Variants in CNNM2 observed in about 807,000 individuals in gnomAD.
CNNM2 encodes the protein metal transporter CNNM2.
A neutral mutation model predicts 66.9 loss-of-function variants in CNNM2; 12 were observed. The ratio of observed to expected loss-of-function variants is 0.18; its 90% CI spans 0.11 to 0.29. CNNM2 has a LOEUF of 0.29. Ranked by LOEUF, CNNM2 falls within the 10% of genes least tolerant of loss-of-function variation. The pLI is 1.00. For missense variants in CNNM2, 705 were observed against 1,167.7 expected, an observed-to-expected ratio of 0.60 and a Z score of 5.77; for synonymous variants, 557 against 501.8, an observed-to-expected ratio of 1.11 and a Z score of -1.47.
intron 4 of CNNM2, among the ~76,000 whole-genome samples, chr10:103,060,352 A>G (rs2065363308): frequency 6.6e-6 from 1 of 152,186 alleles, no homozygotes; most frequent in Non-Finnish European, 1.5e-5. Flanking sequence ...ACTTGAGTCC[A>G]GGAGTTCAAG....
intron 1 of CNNM2, among the ~76,000 whole-genome samples, chr10:102,934,103 C>T (rs1590270750): frequency 6.6e-6 from 1 of 151,452 alleles, no homozygotes; most frequent in East Asian, 1.9e-4. Flanking sequence ...CTCAGCCTCC[C>T]AAAACACTGG....
At chr10:102,946,633 GT>G (rs1846627439) in intron 1 of CNNM2, among the ~76,000 whole-genome samples, 1 of 152,046 alleles carries the variant, frequency 6.6e-6, no homozygotes, top group African/African-American at 2.4e-5. Flanking sequence ...TCACTCCTAG[GT>G]TAAACAGGGT....
chr10:102,993,021 G>A (rs1013846258), intron 1 of CNNM2, among the ~76,000 whole-genome samples: 3 of 152,138 alleles, frequency 2.0e-5, no homozygotes, highest in Non-Finnish European at 4.4e-5. Flanking sequence ...CCAAGAATAT[G>A]TCATACATAT....
intron 1 of CNNM2, among the ~76,000 whole-genome samples, chr10:102,998,580 T>C (rs1436102111): frequency 6.6e-6 from 1 of 152,140 alleles, no homozygotes; most frequent in Admixed American, 6.6e-5. Context: ...ATATAGCCCT[T>C]CGAAGGGATA....
At chr10:103,036,336 C>T (rs78110843) in intron 1 of CNNM2, among the ~76,000 whole-genome samples, 4 of 152,110 alleles carry the variant, frequency 2.6e-5, no homozygotes, top group Admixed American at 6.5e-5. Flanking sequence ...TCTTAAGGCC[C>T]GGCTTTTAAG....
At chr10:102,963,228 A>T (rs1393550908) in intron 1 of CNNM2, among the ~76,000 whole-genome samples, 1 of 152,210 alleles carries the variant, frequency 6.6e-6, no homozygotes, top group African/African-American at 2.4e-5. Flanking sequence ...TAGTTCCAAA[A>T]AGAGAAACCT....
intron 1 of CNNM2, among the ~76,000 whole-genome samples, chr10:102,973,623 C>T (rs2063580994): frequency 1.3e-5 from 2 of 151,772 alleles, no homozygotes; most frequent in South Asian, 4.2e-4. Context: ...TCCCAGAGTA[C>T]TGGGATTACA....
rs1845507943 is a variant in CNNM2 at position 102,918,600 on chromosome 10, C to T, written c.120C>T (p.Ile40=). ...RRSLSARGRG[I]LQAAAGRLLP... is the part of the protein sequence containing the mutation. ...GCCTCAGCGCTCGCGGCCGGGGGATCCTGCAGGCGGCTGCGGGGCGGCTGC... is the reference window on the plus strand; with the variant it reads ...GCCTCAGCGCTCGCGGCCGGGGGATTCTGCAGGCGGCTGCGGGGCGGCTGC... Residue 40 remains isoleucine, a synonymous_variant, in exon 1 of 8, where the codon ATC becomes ATT. Transcript: ENST00000369878. This position sits in a 1 kb window ranked among gnomAD's most constrained non-coding sequence, Gnocchi z 4.1. 1.3e-6 allele frequency: 2 copies of T among 1,559,362 alleles called. No individual in the cohort carries two copies. The highest frequency in any genetic ancestry group is 1.7e-6 in the Non-Finnish European group (2 of 1,155,502).
At chr10:102,949,973 C>CT (rs1846767244) in intron 1 of CNNM2, among the ~76,000 whole-genome samples, 1 of 152,138 alleles carries the variant, frequency 6.6e-6, no homozygotes, top group African/African-American at 2.4e-5. Context: ...TCCTAGCACT[C>CT]TATTAGTTAT....
At chr10:102,956,325 T>A (rs1220491846) in intron 1 of CNNM2, among the ~76,000 whole-genome samples, 1 of 145,900 alleles carries the variant, frequency 6.9e-6, no homozygotes, top group African/African-American at 2.5e-5. Context: ...AAACAACAGA[T>A]GCTGGAGAGG....
rs149932371 is a variant in CNNM2, at chr10:103,060,190, A to T, written c.2073+3226A>T. ...GATCATTTATCATGTTACAGTGTACATGCTAGTAAATACAAAAAGATAGAA... is the reference window on the plus strand; with the variant it reads ...GATCATTTATCATGTTACAGTGTACTTGCTAGTAAATACAAAAAGATAGAA... On this transcript the variant is annotated intron_variant, in intron 4 of 7. Coordinates refer to ENST00000369878, the MANE Select transcript of CNNM2 (RefSeq NM_017649.5). Among the ~76,000 whole-genome samples, 809 of 152,334 alleles carry T rather than the reference A, an allele frequency of 5.3e-3. 29 individuals carry two copies. The highest frequency in any genetic ancestry group is 0.043 in the Admixed American group (661 of 15,296).
chr10:103,070,421 G>A (rs983981539), intron 5 of CNNM2, among the ~76,000 whole-genome samples: 3 of 152,186 alleles, frequency 2.0e-5, no homozygotes, highest in Non-Finnish European at 4.4e-5. Context: ...CAAGTGCTTC[G>A]TCCCCTTGAA....
rs923340831 is a variant in CNNM2, at chr10:102,973,825, C to A, written c.1621+53724C>A. Among the ~76,000 whole-genome samples, 13 of 149,882 alleles carry A rather than the reference C, an allele frequency of 8.7e-5. No homozygotes were observed. The East Asian group carries it at 1.4e-3, about 16-fold the overall frequency. The stretch of plus-strand genomic sequence containing the variant: ...GCATCTTTTCATGTATTCCCCCCCC[C>A]CCTTTTTTAAAACAACATCATCTTG... On this transcript the variant is annotated intron_variant, in intron 1 of 7. Transcript: ENST00000369878.
intron 1 of CNNM2, among the ~76,000 whole-genome samples, chr10:103,043,867 G>C (rs979237281): frequency 5.9e-5 from 9 of 152,156 alleles, no homozygotes; most frequent in Middle Eastern, 3.2e-3. Flanking sequence ...TCTGAAAACA[G>C]GCCTGTTTAG....
intron 1 of CNNM2, among the ~76,000 whole-genome samples, chr10:102,959,594 A>T (rs1847168805): frequency 6.6e-6 from 1 of 151,718 alleles, no homozygotes; most frequent in African/African-American, 2.4e-5. Flanking sequence ...TGTTTGCTTT[A>T]GAGACAGGGT....
chr10:102,976,873 T>A (rs185653439), intron 1 of CNNM2, among the ~76,000 whole-genome samples: 1 of 152,198 alleles, frequency 6.6e-6, no homozygotes, highest in East Asian at 1.9e-4. Context: ...GTTTAATAAA[T>A]GTTTGTTGAA....
intron 1 of CNNM2, among the ~76,000 whole-genome samples, chr10:102,985,440 C>G (rs902604779): frequency 1.3e-5 from 2 of 152,168 alleles, no homozygotes; most frequent in African/African-American, 4.8e-5. Context: ...AGCTTCTTTA[C>G]ATACCAAGCT....
At chr10:103,041,272 T>G (rs921119545) in intron 1 of CNNM2, among the ~76,000 whole-genome samples, 8 of 152,160 alleles carry the variant, frequency 5.3e-5, no homozygotes, top group Non-Finnish European at 1.2e-4. Context: ...TATACACAAA[T>G]GTCAAGTTTC....
chr10:102,999,401 A>G (rs774512058), intron 1 of CNNM2, among the ~76,000 whole-genome samples: 2 of 151,940 alleles, frequency 1.3e-5, no homozygotes, highest in South Asian at 2.1e-4. Flanking sequence ...TTATATTTCT[A>G]TACACTTGGA....
Sources: allele counts gnomAD v4.1 joint callset (sites outside exome capture counted in the v4.1 genomes callset), GRCh38; gene constraint gnomAD v4.1.1; non-coding constraint Gnocchi (gnomAD v3.1); transcripts MANE v1.5; gene names NCBI Gene and HGNC (gene_info 2026-07-23, HGNC 2026-07-21).